Variants in YWHAH observed in about 807,000 individuals in gnomAD.
YWHAH encodes 14-3-3 protein eta.
YWHAH carries 6 observed loss-of-function variants against 22.9 expected under a neutral mutation model. The observed-to-expected ratio is 0.26, with a 90% CI of 0.14 to 0.52. YWHAH has a LOEUF of 0.52. Ranked by LOEUF, YWHAH falls within the 20% of genes least tolerant of loss-of-function variation. The pLI is 0.97. For missense variants in YWHAH, 173 were observed against 308.6 expected (o/e 0.56, Z 3.29); for synonymous variants, 135 against 124.5 (o/e 1.08, Z -0.56).
At chr22:31,945,214 A>G (rs573594998) in intron 1 of YWHAH, 20 of 1,117,400 alleles carry the variant, frequency 1.8e-5, no homozygotes, top group African/African-American at 3.3e-5. Flanking sequence ...CCGTTCCCCA[A>G]CTTGGAATAA....
At chr22:31,951,437 C>A (rs1388990029) in intron 1 of YWHAH, among the ~76,000 whole-genome samples, 1 of 152,132 alleles carries the variant, frequency 6.6e-6, no homozygotes, top group Non-Finnish European at 1.5e-5. Flanking sequence ...GTAGCATTAC[C>A]CCTAACTTAG....
chr22:31,951,637 GT>G (rs1365311969), intron 1 of YWHAH, among the ~76,000 whole-genome samples: 3 of 152,146 alleles, frequency 2.0e-5, no homozygotes, highest in Admixed American at 6.5e-5. Context: ...GCCCTTAGGG[GT>G]TTTTGGGTAA....
chr22:31,956,389 A>G lies in YWHAH; in HGVS notation c.338A>G (p.Asn113Ser), dbSNP rs781781497. 209 of 1,614,054 alleles carry G rather than the reference A, an allele frequency of 1.3e-4. No homozygotes were observed. Among genetic ancestry groups the G allele is most frequent in the Non-Finnish European group, 1.6e-4 (192 of 1,180,052 alleles). The stretch of plus-strand genomic sequence containing the variant: ...GACAAGTTCCTGATCAAGAACTGCA[A>G]TGATTTCCAGTATGAGAGCAAGGTG... ...LLDKFLIKNCNDFQYESKVFY... is the reference protein window; with the variant it reads ...LLDKFLIKNCSDFQYESKVFY... Residue 113 changes from asparagine (N) to serine (S), a missense_variant, in exon 2 of 2, where the codon AAT becomes AGT. Physicochemically the swap from Asn to Ser is conservative, Grantham distance 46 (BLOSUM62 1). Transcript: ENST00000248975. This position sits in a 1 kb window ranked among gnomAD's most constrained non-coding sequence, Gnocchi z 5.1.
In YWHAH at chr22:31,950,713, T is replaced by C. The variant is rs546887307; in HGVS notation, c.88-5426T>C. Among the ~76,000 whole-genome samples, 3 of 152,280 alleles carry C rather than the reference T, an allele frequency of 2.0e-5. No homozygotes were observed. In the South Asian group the frequency reaches 6.2e-4, roughly 32 times the overall value. On this transcript the variant is annotated intron_variant, in intron 1 of 1. Transcript: ENST00000248975. ...TTAGCCTATTTGTGGTCTTACAGAA[T>C]TGCAGCCTCATCCTGGTGAGGATAA...
At chr22:31,947,967 G>A (rs1271405887) in intron 1 of YWHAH, among the ~76,000 whole-genome samples, 1 of 152,146 alleles carries the variant, frequency 6.6e-6, no homozygotes, top group African/African-American at 2.4e-5. Context: ...AAATTACTGG[G>A]CTAGCATTGT....
rs959123731 is a variant in YWHAH, at chr22:31,956,041, C to G, written c.88-98C>G. The G allele has an allele frequency of 2.3e-5, 32 of 1,413,026 alleles. No homozygotes were observed. The African/African-American group carries it at 3.7e-4, about 17-fold the overall frequency. 87.5% of individuals were successfully genotyped at this position (1,413,026 alleles called of 1,614,324 possible). A position where few individuals can be genotyped will look rare whatever the true frequency, so the allele number is the denominator to read the frequency against. ...CAGAGTGACTGACCTGTTCGTAATTCCGTTCTTGAGAAGGATTGTTGATTA... is the reference window on the plus strand; with the variant it reads ...CAGAGTGACTGACCTGTTCGTAATTGCGTTCTTGAGAAGGATTGTTGATTA... On this transcript the variant is annotated intron_variant, in intron 1 of 1. Coordinates refer to ENST00000248975, the MANE Select transcript of YWHAH (RefSeq NM_003405.4). This position sits in a 1 kb window ranked among gnomAD's most constrained non-coding sequence, Gnocchi z 5.1.
Position 31,956,059 on chromosome 22 carries a change from GTTGATTATGT to G in YWHAH, c.88-78_88-69del, listed in dbSNP as rs1342227316. Reference sequence around the variant, plus strand: ...CGTAATTCCGTTCTTGAGAAGGATTGTTGATTATGTTGAAGGGAAGGCTTCTTACCAAGAT... The same window carrying G: ...CGTAATTCCGTTCTTGAGAAGGATTGTGAAGGGAAGGCTTCTTACCAAGAT... On this transcript the variant is annotated intron_variant, in intron 1 of 1. Coordinates refer to ENST00000248975, the MANE Select transcript of YWHAH (RefSeq NM_003405.4). The surrounding 1 kb of genome is among the most constrained non-coding windows in gnomAD (Gnocchi z 5.1). The G allele has an allele frequency of 4.7e-6, 7 of 1,485,200 alleles. No individual in the cohort carries two copies. The highest frequency in any genetic ancestry group is 4.5e-5 in the Admixed American group (2 of 44,580). The allele number at this position is 1,485,200 out of a possible 1,614,324, so 92.0% of individuals were successfully genotyped here. A position where few individuals can be genotyped will look rare whatever the true frequency, so the allele number is the denominator to read the frequency against.
intron 1 of YWHAH, among the ~76,000 whole-genome samples, chr22:31,951,596 T>C (rs1247442956): frequency 2.0e-5 from 3 of 152,182 alleles, no homozygotes; most frequent in African/African-American, 4.8e-5. Flanking sequence ...CTCACACACA[T>C]AGTTTTTTGC....
chr22:31,945,790 A>T, intron 1 of YWHAH: 1 of 899,434 alleles, frequency 1.1e-6, no homozygotes, highest in South Asian at 1.8e-5. Flanking sequence ...ATCCCCTTGA[A>T]CTCCGCCTTA....
chr22:31,953,517 A>T (rs1267344972), intron 1 of YWHAH, among the ~76,000 whole-genome samples: 14 of 152,216 alleles, frequency 9.2e-5, no homozygotes, highest in Admixed American at 8.5e-4. Flanking sequence ...TGGGCAAAAA[A>T]AGACTAAGTT....
chr22:31,949,514 G>GGC (rs528562760), intron 1 of YWHAH, among the ~76,000 whole-genome samples: 1,739 of 145,572 alleles, frequency 0.012, 23 homozygotes, highest in East Asian at 0.043. Context: ...TTTTTTTGGT[G>GGC]GGGGGGGGAG....
At chr22:31,950,271 T>C in intron 1 of YWHAH, 1 of 777,982 alleles carries the variant, frequency 1.3e-6, no homozygotes. Context: ...CACCCTTTAG[T>C]ATATTTTTAT....
intron 1 of YWHAH, among the ~76,000 whole-genome samples, chr22:31,955,485 C>T (rs1404417755): frequency 2.1e-5 from 3 of 141,216 alleles, no homozygotes; most frequent in Non-Finnish European, 3.0e-5. Flanking sequence ...CTTGCTCTGT[C>T]GCTAGCTAGG....
chr22:31,953,991 G>A (rs1407990900), intron 1 of YWHAH, among the ~76,000 whole-genome samples: 1 of 152,132 alleles, frequency 6.6e-6, no homozygotes, highest in Non-Finnish European at 1.5e-5. Flanking sequence ...AACTTGGCAC[G>A]TTTTCTGATT....
chr22:31,945,659 C>CA (rs1374577633), intron 1 of YWHAH: 3 of 1,278,076 alleles, frequency 2.3e-6, no homozygotes, highest in Non-Finnish European at 3.1e-6. Context: ...ACTCTCTCTC[C>CA]ACGTTATTTT....
intron 1 of YWHAH, among the ~76,000 whole-genome samples, chr22:31,951,598 GT>G (rs1450168437): frequency 6.6e-6 from 1 of 152,190 alleles, no homozygotes; most frequent in Non-Finnish European, 1.5e-5. Context: ...CACACACATA[GT>G]TTTTTGCCTT....
chr22:31,950,485 G>T, intron 1 of YWHAH: 1 of 759,076 alleles, frequency 1.3e-6, no homozygotes, highest in Non-Finnish European at 2.5e-6. Context: ...CAATTCGGAT[G>T]CCTCTAGGGA....
At chr22:31,954,799 CT>C (rs1569276757) in intron 1 of YWHAH, among the ~76,000 whole-genome samples, 1 of 152,146 alleles carries the variant, frequency 6.6e-6, no homozygotes, top group African/African-American at 2.4e-5. Context: ...TGTAATTGCA[CT>C]TAGGGCACAC....
At chr22:31,953,806 A>G (rs1199436923) in intron 1 of YWHAH, among the ~76,000 whole-genome samples, 1 of 149,946 alleles carries the variant, frequency 6.7e-6, no homozygotes, top group Non-Finnish European at 1.5e-5. Context: ...GACCACACTG[A>G]AGAAAGAAGT....
Sources: gnomAD v4.1 joint callset for allele counts (sites outside exome capture counted in the v4.1 genomes callset) on GRCh38, gnomAD v4.1.1 for gene constraint, Gnocchi (gnomAD v3.1) non-coding constraint, MANE v1.5 for transcripts, NCBI Gene and HGNC (gene_info 2026-07-23, HGNC 2026-07-21) for gene names.